The following CWC27 variants were observed in gnomAD, a reference collection of about 807,000 sequenced individuals.
The protein encoded by CWC27 is spliceosome-associated protein CWC27 homolog.
A neutral mutation model predicts 63.6 loss-of-function variants in CWC27; 47 were observed. The observed-to-expected ratio is 0.74, with a 90% CI of 0.58 to 0.94. CWC27 has a LOEUF of 0.94. Among genes scored for constraint, CWC27 ranks in the 40% least tolerant of loss-of-function variants. The pLI, the probability that CWC27 is intolerant of heterozygous loss-of-function variation, is 0.00. For synonymous variants in CWC27, 175 were observed against 179.8 expected (o/e 0.97, Z 0.22); for missense variants, 495 against 554.3 (o/e 0.89, Z 1.07).
intron 10 of CWC27, among the ~76,000 whole-genome samples, chr5:64,843,586 A>G (rs1433602): frequency 0.4 from 61,039 of 151,948 alleles, 13,588 homozygotes; most frequent in African/African-American, 0.59. Context: ...CAATTAAAAT[A>G]TAATATTATG....
intron 4 of CWC27, 65 bp downstream of exon 4, chr5:64,784,044 T>A: frequency 7.5e-7 from 1 of 1,329,180 alleles, no homozygotes; most frequent in Non-Finnish European, 1.0e-6. Flanking sequence ...CTTAGACTTC[T>A]AAGATACATA....
intron 10 of CWC27, among the ~76,000 whole-genome samples, chr5:64,812,531 G>A (rs1392250083): frequency 6.6e-6 from 1 of 152,130 alleles, no homozygotes; most frequent in Non-Finnish European, 1.5e-5. Context: ...GTATGGAGTA[G>A]TAGTAATCCA....
At chr5:64,776,105 GA>G (rs1743439268) in intron 2 of CWC27, among the ~76,000 whole-genome samples, 1 of 118,428 alleles carries the variant, frequency 8.4e-6, no homozygotes, top group African/African-American at 2.9e-5. Flanking sequence ...GAGAGAGAGA[GA>G]GAGAGAGAGA....
chr5:64,872,584 A>G (rs1458747721), intron 10 of CWC27, among the ~76,000 whole-genome samples: 1 of 152,152 alleles, frequency 6.6e-6, no homozygotes, highest in Non-Finnish European at 1.5e-5. Context: ...CATGTACTAT[A>G]TTTAAATCAT....
intron 10 of CWC27, among the ~76,000 whole-genome samples, chr5:64,825,380 T>C (rs749651446): frequency 6.6e-6 from 1 of 152,196 alleles, no homozygotes; most frequent in Non-Finnish European, 1.5e-5. Flanking sequence ...AAGTTATATC[T>C]GGAACGTGGT....
intron 11 of CWC27, among the ~76,000 whole-genome samples, chr5:64,945,056 C>T (rs564555114): frequency 6.6e-6 from 1 of 152,094 alleles, no homozygotes; most frequent in Admixed American, 6.6e-5. Flanking sequence ...TGGCATGTTC[C>T]CTGCCTCAGG....
intron 13 of CWC27, among the ~76,000 whole-genome samples, chr5:64,998,186 CTTTG>C (rs938041525): frequency 2.6e-5 from 4 of 152,120 alleles, no homozygotes; most frequent in African/African-American, 7.2e-5. Context: ...GGGAAGTTTG[CTTTG>C]TTTGTGGATC....
intron 10 of CWC27, among the ~76,000 whole-genome samples, chr5:64,810,981 TG>T (rs1744861612): frequency 6.6e-6 from 1 of 152,120 alleles, no homozygotes; most frequent in African/African-American, 2.4e-5. Flanking sequence ...GTGTTTCTAA[TG>T]TTTTTTTAAA....
At chr5:64,774,615 G>A (rs1042270944) in intron 1 of CWC27, 76 bp from the exon 2 acceptor site, 12 of 832,402 alleles carry the variant, frequency 1.4e-5, no homozygotes, top group Admixed American at 8.6e-5. Context: ...ACTAGTGATT[G>A]CTACAAGTCA....
chr5:64,902,186 TG>T (rs1290053246), intron 11 of CWC27, among the ~76,000 whole-genome samples: 1 of 152,236 alleles, frequency 6.6e-6, no homozygotes, highest in Non-Finnish European at 1.5e-5. Flanking sequence ...TGTACATAAT[TG>T]TATGTGCTAT....
chr5:64,902,218 G>A lies in CWC27; in HGVS notation c.1042+16672G>A, dbSNP rs1025490450. On this transcript the variant is annotated intron_variant, in intron 11 of 13. Transcript: ENST00000381070. The stretch of plus-strand genomic sequence containing the variant: ...GCTATACTTTTATAAAACTGGCAGT[G>A]TAGATTTGTTTACACCAGCATAACT... 2.6e-5 allele frequency among the ~76,000 whole-genome samples: 4 copies of A among 152,176 alleles called. No individual in the cohort carries two copies. The East Asian group carries it at 5.8e-4, about 22-fold the overall frequency.
chr5:64,889,622 A>T (rs1204712046), intron 11 of CWC27, among the ~76,000 whole-genome samples: 1 of 152,194 alleles, frequency 6.6e-6, no homozygotes, highest in South Asian at 2.1e-4. Context: ...TCACATGGTT[A>T]ACAATCATAA....
At chr5:65,006,970 G>GAA (rs1749853946) in intron 13 of CWC27, among the ~76,000 whole-genome samples, 1 of 88,914 alleles carries the variant, frequency 1.1e-5, no homozygotes, top group African/African-American at 5.7e-5. Context: ...CAGAAAGAAA[G>GAA]AAAGAAAGAA....
chr5:64,808,293 A>T, intron 10 of CWC27: 1 of 990,504 alleles, frequency 1.0e-6, no homozygotes, highest in East Asian at 1.1e-4. Context: ...TCAAGTTTGT[A>T]TCATGTTAGT....
intron 11 of CWC27, among the ~76,000 whole-genome samples, chr5:64,916,882 GTAT>G (rs1352319595): frequency 1.1e-3 from 145 of 130,466 alleles, no homozygotes; most frequent in Admixed American, 1.8e-3. Flanking sequence ...GGCAGTAGTA[GTAT>G]TAGTAGTAGT....
chr5:64,819,799 C>T (rs62369299), intron 10 of CWC27, among the ~76,000 whole-genome samples: 53,622 of 152,002 alleles, frequency 0.35, 9,910 homozygotes, highest in East Asian at 0.51. Context: ...GCAACACAAA[C>T]TGACAACTTA....
At chr5:64,943,017 A>G (rs1163004277) in intron 11 of CWC27, among the ~76,000 whole-genome samples, 2 of 152,232 alleles carry the variant, frequency 1.3e-5, no homozygotes, top group Non-Finnish European at 2.9e-5. Context: ...GGAACATAGA[A>G]ATATAACTCT....
chr5:64,801,442 T>A, intron 9 of CWC27, 110 bp downstream of exon 9: 3 of 917,504 alleles, frequency 3.3e-6, no homozygotes. Flanking sequence ...ACTTTTATAG[T>A]TATATATGTC....
At chr5:64,855,348 T>C (rs1746226435) in intron 10 of CWC27, among the ~76,000 whole-genome samples, 1 of 152,160 alleles carries the variant, frequency 6.6e-6, no homozygotes. Context: ...AGAAAACATG[T>C]CTTTCTCTGA....
Sources: allele counts gnomAD v4.1 joint callset (sites outside exome capture counted in the v4.1 genomes callset), GRCh38; gene constraint gnomAD v4.1.1; transcripts MANE v1.5; gene names NCBI Gene and HGNC (gene_info 2026-07-23, HGNC 2026-07-21).